The following DAB1 variants were observed in gnomAD, a reference collection of about 807,000 sequenced individuals.
DAB1 encodes disabled homolog 1.
A neutral mutation model predicts 64.6 loss-of-function variants in DAB1; 15 were observed. The ratio of observed to expected loss-of-function variants is 0.23; its 90% confidence interval spans 0.16 to 0.36. The LOEUF is 0.36. Ranked by LOEUF, DAB1 falls within the 10% of genes least tolerant of loss-of-function variation. The probability of loss-of-function intolerance (pLI) is 1.00; values close to 1 mark genes in which losing one functional copy is unlikely to be tolerated. For missense variants in DAB1, 596 were observed against 706.7 expected (o/e 0.84, Z 1.78); for synonymous variants, 235 against 251.9 (o/e 0.93, Z 0.64).
chr1:58,170,535 A>T (rs1656109363), intron 4 of DAB1, among the ~76,000 whole-genome samples: 1 of 152,176 alleles, frequency 6.6e-6, no homozygotes, highest in African/African-American at 2.4e-5. Context: ...AGGGACCAAG[A>T]GGAACAGGCA....
chr1:58,337,335 T>G (rs993378917), intron 4 of DAB1, among the ~76,000 whole-genome samples: 4 of 145,990 alleles, frequency 2.7e-5, no homozygotes, highest in Admixed American at 2.7e-4. Flanking sequence ...TAAATTGGAG[T>G]AACGTGGTGG....
chr1:58,534,139 T>A (rs1226193055), intron 1 of DAB1: 1 of 868,656 alleles, frequency 1.2e-6, no homozygotes, highest in Non-Finnish European at 2.0e-6. Flanking sequence ...TTACAATGCG[T>A]TTGAGAACAT....
chr1:57,834,809 A>C (rs1652740185), intron 1 of DAB1, among the ~76,000 whole-genome samples: 2 of 152,134 alleles, frequency 1.3e-5, no homozygotes. Flanking sequence ...GAGGAAATGC[A>C]AAGGCTATGT....
chr1:58,433,655 A>AG (rs1180828619), intron 3 of DAB1, among the ~76,000 whole-genome samples: 7 of 83,478 alleles, frequency 8.4e-5, no homozygotes, highest in Non-Finnish European at 1.4e-4. Context: ...GTCTGTGTGG[A>AG]GGGGGGGAGG....
Position 57,002,940 on chromosome 1 carries a change from A to G in DAB1, c.*16-4812T>C, listed in dbSNP as rs72903334. ...TCTAGCACAGAGTCTGAAACATAGGAGATACTCCAAAAAACATTAGGTCCC... is the reference window on the plus strand; with the variant it reads ...TCTAGCACAGAGTCTGAAACATAGGGGATACTCCAAAAAACATTAGGTCCC... On this transcript the variant is annotated intron_variant, in intron 14 of 14. Transcript: ENST00000371236. Among the ~76,000 whole-genome samples, 599 of 152,290 alleles carry G rather than the reference A, an allele frequency of 3.9e-3. 2 individuals are homozygous for G. Among genetic ancestry groups the G allele is most frequent in the Middle Eastern group, 0.014 (4 of 294 alleles).
At chr1:58,083,167 C>A (rs1650103074) in intron 5 of DAB1, among the ~76,000 whole-genome samples, 1 of 152,158 alleles carries the variant, frequency 6.6e-6, no homozygotes. Flanking sequence ...AAAGGCACGT[C>A]AGCTGATCCT....
intron 1 of DAB1, chr1:57,878,340 G>C (rs1194655616): frequency 6.6e-6 from 1 of 152,132 alleles, no homozygotes; most frequent in Non-Finnish European, 1.5e-5. Flanking sequence ...GAGTTATGAA[G>C]TCATTTCAGA....
chr1:58,383,875 C>A (rs1201331510), intron 3 of DAB1, among the ~76,000 whole-genome samples: 1 of 152,130 alleles, frequency 6.6e-6, no homozygotes, highest in African/African-American at 2.4e-5. Flanking sequence ...ATCCTGACAT[C>A]AATTCATTGG....
intron 5 of DAB1, among the ~76,000 whole-genome samples, chr1:58,141,446 G>A (rs1480204545): frequency 6.6e-6 from 1 of 152,170 alleles, no homozygotes; most frequent in East Asian, 1.9e-4. Context: ...TCCCTCCCAT[G>A]ATATGTGAAG....
At chr1:58,158,851 G>C (rs977122747) in intron 4 of DAB1, among the ~76,000 whole-genome samples, 2 of 150,896 alleles carry the variant, frequency 1.3e-5, no homozygotes, top group African/African-American at 4.9e-5. Context: ...GGCAAGGAGA[G>C]TCGAATCTAC....
At chr1:57,186,753 T>C (rs928141003) in intron 2 of DAB1, among the ~76,000 whole-genome samples, 2 of 152,258 alleles carry the variant, frequency 1.3e-5, no homozygotes, top group Non-Finnish European at 2.9e-5. Flanking sequence ...CAAAGTTTCA[T>C]TAGCAGAATA....
chr1:57,015,118 G>C lies in DAB1; in HGVS notation c.1209C>G (p.Thr403=). 6.2e-7 allele frequency: 1 copy of C among 1,614,160 alleles called. No individual in the cohort carries two copies. Among genetic ancestry groups the C allele is most frequent in the Non-Finnish European group, 8.5e-7 (1 of 1,180,038 alleles). ...TSDSTRSSPQ[T]DKPRQKMGKE... Reference sequence around the variant, plus strand: ...TGCCCATTTTCTGCCTGGGCTTGTCGGTCTGTGGACTTGACCTGGTGGAGT... The same window carrying C: ...TGCCCATTTTCTGCCTGGGCTTGTCCGTCTGTGGACTTGACCTGGTGGAGT... The change falls in exon 12 of 15, where the codon ACC becomes ACG. Residue 403 remains threonine (T), a synonymous_variant. Transcript: ENST00000371236.
intron 14 of DAB1, among the ~76,000 whole-genome samples, chr1:57,005,478 G>A (rs1646034237): frequency 6.6e-6 from 1 of 152,184 alleles, no homozygotes; most frequent in South Asian, 2.1e-4. Flanking sequence ...TGGGAATAGA[G>A]ACAGCCTGAG....
At chr1:58,373,309 C>T (rs1373001744) in intron 3 of DAB1, among the ~76,000 whole-genome samples, 2 of 130,566 alleles carry the variant, frequency 1.5e-5, no homozygotes, top group East Asian at 2.2e-4. Context: ...TCTCCCAATG[C>T]TATCCCTCCC....
chr1:58,411,866 G>C (rs547154366), intron 3 of DAB1, among the ~76,000 whole-genome samples: 3 of 152,244 alleles, frequency 2.0e-5, no homozygotes, highest in African/African-American at 7.2e-5. Context: ...TGCTTTTGCT[G>C]TTTCCCCACC....
chr1:58,358,850 T>C (rs1159862172), intron 3 of DAB1, among the ~76,000 whole-genome samples: 1 of 151,832 alleles, frequency 6.6e-6, no homozygotes, highest in African/African-American at 2.4e-5. Flanking sequence ...TCACTCCTTC[T>C]CTCTCCCAGC....
chr1:57,977,562 T>C (rs1246965275), intron 5 of DAB1, among the ~76,000 whole-genome samples: 1 of 152,184 alleles, frequency 6.6e-6, no homozygotes, highest in African/African-American at 2.4e-5. Context: ...ATTTGAACAC[T>C]AAGAATAGAA....
intron 4 of DAB1, among the ~76,000 whole-genome samples, chr1:58,332,514 G>A (rs1165565713): frequency 6.6e-6 from 1 of 152,172 alleles, no homozygotes; most frequent in Admixed American, 6.5e-5. Flanking sequence ...AGTCTGTTAA[G>A]TGTGCAATAG....
intron 5 of DAB1, among the ~76,000 whole-genome samples, chr1:58,122,441 C>T (rs1652808843): frequency 6.6e-6 from 1 of 152,114 alleles, no homozygotes; most frequent in African/African-American, 2.4e-5. Context: ...TAGAGGAACT[C>T]CCACCTTGCA....
Sources: allele counts gnomAD v4.1 joint callset (sites outside exome capture counted in the v4.1 genomes callset), GRCh38; gene constraint gnomAD v4.1.1; transcripts MANE v1.5; gene names NCBI Gene and HGNC (gene_info 2026-07-23, HGNC 2026-07-21).